Variants in ADAM23 observed in about 807,000 individuals in gnomAD.
ADAM23 encodes ADAM metallopeptidase domain 23.
A neutral mutation model predicts 120.1 loss-of-function variants in ADAM23; 33 were observed. That is an observed-to-expected ratio of 0.27 (90% CI 0.21 to 0.37). The LOEUF is 0.37. Among genes scored for constraint, ADAM23 ranks in the 10% least tolerant of loss-of-function variants. ADAM23 has a pLI of 1.00. For missense variants in ADAM23, 862 were observed against 1,058.2 expected (o/e 0.81, Z 2.57); for synonymous variants, 367 against 375.2 (o/e 0.98, Z 0.25).
At chr2:206,513,916 A>G (rs991180083) in intron 3 of ADAM23, among the ~76,000 whole-genome samples, 3 of 152,232 alleles carry the variant, frequency 2.0e-5, no homozygotes, top group Admixed American at 2.0e-4. Context: ...CCTGGGTGAC[A>G]GCACATCTGT....
chr2:206,519,856 T>TA, intron 3 of ADAM23, among the ~76,000 whole-genome samples: 1 of 151,686 alleles, frequency 6.6e-6, no homozygotes, highest in South Asian at 2.1e-4. Flanking sequence ...TACAAAAAAA[T>TA]AAAAAAGATA....
At chr2:206,600,713 C>T (rs1320346304) in intron 24 of ADAM23, among the ~76,000 whole-genome samples, 5 of 152,138 alleles carry the variant, frequency 3.3e-5, no homozygotes, top group Non-Finnish European at 7.4e-5. Flanking sequence ...AGCATTGCCA[C>T]TGTAGTCACC....
rs1024277196 is a variant in ADAM23 at position 206,573,250 on chromosome 2, C to G, written c.1737+55C>G. ...TTTTACTTGTACAGGTTGAGTATTCCTTACCACAGTGCTTGGGGCCAGAAG... is the reference window on the plus strand; with the variant it reads ...TTTTACTTGTACAGGTTGAGTATTCGTTACCACAGTGCTTGGGGCCAGAAG... On this transcript the variant is annotated intron_variant, in intron 18 of 25. Coordinates refer to ENST00000264377, the MANE Select transcript of ADAM23 (RefSeq NM_003812.4). 21 of 1,517,290 alleles carry G rather than the reference C, an allele frequency of 1.4e-5. No individual in the cohort carries two copies. In the Admixed American group the frequency reaches 2.2e-4, roughly 16 times the overall value. The allele number at this position is 1,517,290 out of a possible 1,614,324, so 94.0% of individuals were successfully genotyped here.
intron 3 of ADAM23, among the ~76,000 whole-genome samples, chr2:206,519,038 T>C (rs1257074075): frequency 6.6e-6 from 1 of 152,214 alleles, no homozygotes; most frequent in African/African-American, 2.4e-5. Context: ...TTAGAAGTTT[T>C]CTTGGAGACC....
chr2:206,514,238 GA>G, intron 3 of ADAM23, among the ~76,000 whole-genome samples: 1 of 152,302 alleles, frequency 6.6e-6, no homozygotes, highest in Non-Finnish European at 1.5e-5. Context: ...AAAGTAAATA[GA>G]AAACCTTCTG....
intron 18 of ADAM23, 57 bp from the exon 19 acceptor site, chr2:206,587,268 C>G: frequency 7.5e-7 from 1 of 1,327,756 alleles, no homozygotes; most frequent in East Asian, 2.3e-5. Flanking sequence ...ATAGTATGTA[C>G]ATTATCTGAA....
chr2:206,601,110 T>C (rs757043904), intron 24 of ADAM23, among the ~76,000 whole-genome samples: 9 of 152,238 alleles, frequency 5.9e-5, no homozygotes, highest in Non-Finnish European at 1.2e-4. Context: ...ACCCCAATTA[T>C]TGTCTGTATG....
At chr2:206,564,825 A>G (rs1032526758) in intron 13 of ADAM23, among the ~76,000 whole-genome samples, 195 bp from the exon 14 acceptor site, 1 of 152,214 alleles carries the variant, frequency 6.6e-6, no homozygotes, top group Non-Finnish European at 1.5e-5. Context: ...TTAGGAATTA[A>G]CCTATAATTC....
intron 4 of ADAM23, among the ~76,000 whole-genome samples, chr2:206,538,344 C>T (rs1485522587): frequency 6.6e-6 from 1 of 152,086 alleles, no homozygotes; most frequent in African/African-American, 2.4e-5. Flanking sequence ...TTCTATTTCT[C>T]ATTTGTTATC....
At chr2:206,479,628 T>C (rs1695853206) in intron 2 of ADAM23, among the ~76,000 whole-genome samples, 1 of 152,192 alleles carries the variant, frequency 6.6e-6, no homozygotes, top group African/African-American at 2.4e-5. Context: ...TTGTATTGAA[T>C]AGAGGTTCTG....
chr2:206,524,572 T>C (rs1236135463), intron 3 of ADAM23, among the ~76,000 whole-genome samples: 1 of 152,256 alleles, frequency 6.6e-6, no homozygotes, highest in Non-Finnish European at 1.5e-5. Flanking sequence ...GACTCACAGT[T>C]CCACCTGGCT....
At chr2:206,449,322 T>A (rs1245015852) in intron 2 of ADAM23, among the ~76,000 whole-genome samples, 1 of 152,260 alleles carries the variant, frequency 6.6e-6, no homozygotes, top group Non-Finnish European at 1.5e-5. Flanking sequence ...ATATAAGCAT[T>A]TTATTAACCA....
chr2:206,526,163 C>G (rs866716486), intron 3 of ADAM23, among the ~76,000 whole-genome samples: 82 of 151,264 alleles, frequency 5.4e-4, no homozygotes, highest in Middle Eastern at 3.4e-3. Context: ...CACACACACA[C>G]ACACACACAC....
At chr2:206,594,965 G>A in intron 23 of ADAM23, 60 bp downstream of exon 23, 1 of 1,582,744 alleles carries the variant, frequency 6.3e-7, no homozygotes, top group South Asian at 1.1e-5. Context: ...CACAGTGACT[G>A]GACTTTAATT....
At chr2:206,586,748 A>T (rs892475329) in intron 18 of ADAM23, among the ~76,000 whole-genome samples, 11 of 152,210 alleles carry the variant, frequency 7.2e-5, no homozygotes, top group African/African-American at 2.4e-4. Flanking sequence ...TGATTTGATA[A>T]ATAGACCTAT....
At chr2:206,528,805 A>G (rs1309769376) in intron 3 of ADAM23, among the ~76,000 whole-genome samples, 3 of 152,242 alleles carry the variant, frequency 2.0e-5, no homozygotes, top group East Asian at 3.8e-4. Flanking sequence ...TCATTTTTGC[A>G]TAAGAAGAAA....
At chr2:206,506,599 C>T (rs760579041) in intron 3 of ADAM23, among the ~76,000 whole-genome samples, 31 of 152,198 alleles carry the variant, frequency 2.0e-4, no homozygotes, top group African/African-American at 6.5e-4. Context: ...TCAAGCATTT[C>T]GTCAGTTATA....
At chr2:206,547,609 A>AG in intron 7 of ADAM23, 108 bp downstream of exon 7, 1 of 881,770 alleles carries the variant, frequency 1.1e-6, no homozygotes, top group Non-Finnish European at 1.7e-6. Flanking sequence ...GTCTGATATC[A>AG]GGGGTGAACA....
chr2:206,499,508 G>GGTGA (rs1553551907), intron 3 of ADAM23, among the ~76,000 whole-genome samples: 1 of 128,184 alleles, frequency 7.8e-6, no homozygotes, highest in Middle Eastern at 4.1e-3. Context: ...TGGGGGGAGG[G>GGTGA]GGGATAGCAT....
Sources: allele counts gnomAD v4.1 joint callset (sites outside exome capture counted in the v4.1 genomes callset), GRCh38; gene constraint gnomAD v4.1.1; transcripts MANE v1.5; gene names NCBI Gene and HGNC (gene_info 2026-07-23, HGNC 2026-07-21).